The following CLSTN2 variants were observed in gnomAD, a reference collection of about 807,000 sequenced individuals.
CLSTN2 encodes calsyntenin-2.
Under a neutral mutation model 101.2 loss-of-function variants are expected in CLSTN2, and 48 were observed. That is an observed-to-expected ratio of 0.47 (90% CI 0.38 to 0.60). The LOEUF is 0.60. Among genes scored for constraint, CLSTN2 ranks in the 20% least tolerant of loss-of-function variants. The pLI is 0.00. For missense variants in CLSTN2, 1,160 were observed against 1,238.2 expected (o/e 0.94, Z 0.95); for synonymous variants, 481 against 463.6 (o/e 1.04, Z -0.48).
intron 9 of CLSTN2, among the ~76,000 whole-genome samples, chr3:140,545,532 G>C (rs987865606): frequency 6.6e-6 from 1 of 152,210 alleles, no homozygotes; most frequent in African/African-American, 2.4e-5. Context: ...TCTATGCGTT[G>C]TTCTTCTTCT....
At chr3:140,045,164 CT>C (rs1560078136) in intron 1 of CLSTN2, among the ~76,000 whole-genome samples, 1 of 152,018 alleles carries the variant, frequency 6.6e-6, no homozygotes, top group Non-Finnish European at 1.5e-5. Flanking sequence ...TGGTCCTGGA[CT>C]TTTTTTGGTT....
intron 2 of CLSTN2, among the ~76,000 whole-genome samples, chr3:140,336,849 C>G (rs1483907285): frequency 6.6e-6 from 1 of 152,154 alleles, no homozygotes; most frequent in African/African-American, 2.4e-5. Flanking sequence ...GGACAATGGG[C>G]TAACGGGGCT....
intron 2 of CLSTN2, among the ~76,000 whole-genome samples, chr3:140,293,443 G>A (rs1427877427): frequency 1.3e-5 from 2 of 152,130 alleles, no homozygotes; most frequent in Non-Finnish European, 2.9e-5. Context: ...TCAGTGACAG[G>A]GGCCTGTCTT....
intron 2 of CLSTN2, among the ~76,000 whole-genome samples, chr3:140,229,548 C>A (rs2086352968): frequency 6.6e-6 from 1 of 151,706 alleles, no homozygotes; most frequent in Non-Finnish European, 1.5e-5. Flanking sequence ...ATGTTGTCTT[C>A]CACTTGACAA....
At chr3:140,214,500 G>T (rs2010897765) in intron 2 of CLSTN2, among the ~76,000 whole-genome samples, 1 of 151,964 alleles carries the variant, frequency 6.6e-6, no homozygotes, top group East Asian at 1.9e-4. Context: ...AAAGTACCTA[G>T]CATGAGTAGG....
intron 2 of CLSTN2, among the ~76,000 whole-genome samples, chr3:140,377,285 C>A (rs898001003): frequency 6.6e-6 from 1 of 152,156 alleles, no homozygotes; most frequent in African/African-American, 2.4e-5. Context: ...GGACATAATA[C>A]TCAATAATGA....
intron 5 of CLSTN2, among the ~76,000 whole-genome samples, chr3:140,446,241 T>G (rs139139440): frequency 6.6e-6 from 1 of 152,138 alleles, no homozygotes; most frequent in African/African-American, 2.4e-5. Flanking sequence ...GATCTCATCC[T>G]CTGGGAGGGG....
At chr3:140,310,465 A>G (rs2087157334) in intron 2 of CLSTN2, among the ~76,000 whole-genome samples, 1 of 152,130 alleles carries the variant, frequency 6.6e-6, no homozygotes, top group South Asian at 2.1e-4. Context: ...CTTCTCACAG[A>G]CAACCCTTCC....
At position 140,349,384 on chromosome 3, in the gene CLSTN2, C is replaced by A. The variant is rs114771576; in HGVS notation, c.233-54245C>A. Among the ~76,000 whole-genome samples, 569 of 152,266 alleles carry A rather than the reference C, an allele frequency of 3.7e-3. 3 individuals carry two copies. The highest frequency in any genetic ancestry group is 0.012 in the African/African-American group (505 of 41,542). On this transcript the variant is annotated intron_variant, in intron 2 of 16. Transcript: ENST00000458420. Reference sequence around the variant, plus strand: ...ATCTGCTTTGTCACTGGGTCAGAACCTAATTACTTTTAAAGTGTGGTAAAG... The same window carrying A: ...ATCTGCTTTGTCACTGGGTCAGAACATAATTACTTTTAAAGTGTGGTAAAG...
At chr3:140,330,786 G>A (rs545857406) in intron 2 of CLSTN2, among the ~76,000 whole-genome samples, 1 of 152,282 alleles carries the variant, frequency 6.6e-6, no homozygotes, top group East Asian at 1.9e-4. Context: ...CTTGTTCTGT[G>A]CACATCTAAC....
At chr3:139,964,856 C>T (rs562185043) in intron 1 of CLSTN2, among the ~76,000 whole-genome samples, 4 of 152,218 alleles carry the variant, frequency 2.6e-5, no homozygotes, top group East Asian at 1.9e-4. Context: ...TTTTACCTCC[C>T]GGCCACACAT....
chr3:140,522,541 C>T (rs1191432074), intron 8 of CLSTN2, among the ~76,000 whole-genome samples: 1 of 152,174 alleles, frequency 6.6e-6, no homozygotes. Context: ...ACTGAACACA[C>T]AATAAGGCTG....
At chr3:140,406,552 C>G (rs13100720) in intron 4 of CLSTN2, among the ~76,000 whole-genome samples, 17,235 of 152,198 alleles carry the variant, frequency 0.11, 1,115 homozygotes, top group African/African-American at 0.17. Context: ...ATTAGTAGAG[C>G]CTGTCAGAAT....
At chr3:140,470,170 G>T (rs1220581544) in intron 8 of CLSTN2, among the ~76,000 whole-genome samples, 1 of 152,218 alleles carries the variant, frequency 6.6e-6, no homozygotes, top group East Asian at 1.9e-4. Context: ...TCTTTATTCA[G>T]CAGTTTATTC....
At chr3:140,008,999 AAG>A (rs1160061210) in intron 1 of CLSTN2, among the ~76,000 whole-genome samples, 1 of 152,214 alleles carries the variant, frequency 6.6e-6, no homozygotes, top group Non-Finnish European at 1.5e-5. Flanking sequence ...ATGCACACAG[AAG>A]CCTTGTTGAC....
chr3:140,451,594 G>C (rs543495029), intron 6 of CLSTN2, among the ~76,000 whole-genome samples: 1 of 152,258 alleles, frequency 6.6e-6, no homozygotes, highest in South Asian at 2.1e-4. Context: ...AGATAAAAAG[G>C]GTGAAAGCAA....
chr3:139,935,475 C>A lies in CLSTN2; in HGVS notation c.101C>A (p.Ala34Glu). 1 of 1,229,118 alleles carries A rather than the reference C, an allele frequency of 8.1e-7. No homozygotes were observed. The highest frequency in any genetic ancestry group is 1.0e-6 in the Non-Finnish European group (1 of 984,686). 76.1% of individuals were successfully genotyped at this position (1,229,118 alleles called of 1,614,324 possible). The change falls in exon 1 of 17, where the codon GCG becomes GAG. Residue 34 changes from alanine (A) to glutamate (E), a missense_variant. Transcript: ENST00000458420. This position sits in a 1 kb window ranked among gnomAD's most constrained non-coding sequence, Gnocchi z 5.5. ...GGDSRQRRLL[A>E]AKVNKHKPWI... is the part of the protein sequence containing the mutation. ...GACAGCCGGCAGCGCCGCCTCCTCGCGGCTAAAGGTGGGTGCTGGGGAAGT... is the reference window on the plus strand; with the variant it reads ...GACAGCCGGCAGCGCCGCCTCCTCGAGGCTAAAGGTGGGTGCTGGGGAAGT...
At chr3:140,354,691 T>C (rs1317497400) in intron 2 of CLSTN2, among the ~76,000 whole-genome samples, 1 of 152,212 alleles carries the variant, frequency 6.6e-6, no homozygotes, top group Non-Finnish European at 1.5e-5. Context: ...GGAGTGAGCC[T>C]GGCTGAATTA....
rs567919325 is a variant in CLSTN2, at chr3:140,041,962, G to A, written c.109+106479G>A. ...CATCTACATGCCAGCCCTAGTCTTC[G>A]TTTGTTTATTTTCATACATAATGGC... On this transcript the variant is annotated intron_variant, in intron 1 of 16. Transcript: ENST00000458420. Among the ~76,000 whole-genome samples, 9 of 152,128 alleles carry A rather than the reference G, an allele frequency of 5.9e-5. No individual in the cohort carries two copies. The East Asian group carries it at 9.6e-4, about 16-fold the overall frequency.
Sources: gnomAD v4.1 joint callset for allele counts (sites outside exome capture counted in the v4.1 genomes callset) on GRCh38, gnomAD v4.1.1 for gene constraint, Gnocchi (gnomAD v3.1) non-coding constraint, MANE v1.5 for transcripts, NCBI Gene and HGNC (gene_info 2026-07-23, HGNC 2026-07-21) for gene names.